Variants in PRKCA observed in about 807,000 individuals in gnomAD.
PRKCA encodes protein kinase C alpha type.
In PRKCA, 27 loss-of-function variants were observed where a neutral mutation model predicts 87.0. That is an observed-to-expected ratio of 0.31 (90% CI 0.23 to 0.43). The LOEUF is 0.43. PRKCA is among the 20% of genes least tolerant of loss of function. PRKCA has a pLI of 1.00. For synonymous variants in PRKCA, 329 were observed against 311.1 expected (o/e 1.06, Z -0.61); for missense variants, 518 against 852.3 (o/e 0.61, Z 4.88).
At position 66,555,069 on chromosome 17, in the gene PRKCA, G is replaced by A. The variant is rs61762389; in HGVS notation, c.288+58786G>A. On this transcript the variant is annotated intron_variant, in intron 3 of 16. Coordinates refer to ENST00000413366, the MANE Select transcript of PRKCA (RefSeq NM_002737.3). ...AGTTTTTGTATTTTAGTAGAGATGG[G>A]GTTTCACCCTGTTGCCCAGGCTCGT... Among the ~76,000 whole-genome samples the A allele has an allele frequency of 1.3e-3, 202 of 152,038 alleles. 1 individual carries two copies. Among genetic ancestry groups the A allele is most frequent in the African/African-American group, 4.6e-3 (189 of 41,492 alleles).
At chr17:66,341,326 AT>A (rs941113945) in intron 2 of PRKCA, among the ~76,000 whole-genome samples, 1 of 152,096 alleles carries the variant, frequency 6.6e-6, no homozygotes, top group Non-Finnish European at 1.5e-5. Flanking sequence ...GCATGGTGAC[AT>A]TTTTTTCCCC....
chr17:66,604,331 T>C (rs1040238039), intron 3 of PRKCA, among the ~76,000 whole-genome samples: 1 of 152,176 alleles, frequency 6.6e-6, no homozygotes. Flanking sequence ...CCCAGATTAG[T>C]AGATATTGCG....
intron 2 of PRKCA, among the ~76,000 whole-genome samples, chr17:66,406,054 A>G (rs1041878029): frequency 2.6e-5 from 4 of 152,176 alleles, no homozygotes; most frequent in Admixed American, 1.3e-4. Flanking sequence ...TTGCTCTGTC[A>G]TCATCGAGTT....
chr17:66,563,503 T>A (rs1968779794), intron 3 of PRKCA, among the ~76,000 whole-genome samples: 3 of 152,338 alleles, frequency 2.0e-5, no homozygotes, highest in African/African-American at 7.2e-5. Flanking sequence ...GACTTGATAG[T>A]TCATTTCTTT....
intron 8 of PRKCA, among the ~76,000 whole-genome samples, chr17:66,730,602 G>A (rs1167226550): frequency 6.6e-6 from 1 of 152,222 alleles, no homozygotes; most frequent in Non-Finnish European, 1.5e-5. Context: ...GCTGGCGGGA[G>A]TTTCCTATAG....
intron 3 of PRKCA, among the ~76,000 whole-genome samples, chr17:66,615,953 T>C (rs1307858268): frequency 1.3e-5 from 2 of 152,204 alleles, no homozygotes; most frequent in Non-Finnish European, 2.9e-5. Context: ...GGAACATTCA[T>C]TGCTTTTCTC....
chr17:66,446,064 T>G (rs972778367), intron 2 of PRKCA, among the ~76,000 whole-genome samples: 7 of 152,184 alleles, frequency 4.6e-5, no homozygotes, highest in African/African-American at 1.7e-4. Flanking sequence ...TCCGTGCACC[T>G]CGGCCTCCCT....
intron 3 of PRKCA, among the ~76,000 whole-genome samples, chr17:66,521,141 G>T (rs1455943356): frequency 6.6e-6 from 1 of 151,584 alleles, no homozygotes; most frequent in East Asian, 1.9e-4. Flanking sequence ...AAAAAAAAAA[G>T]TACTAAAAAT....
At chr17:66,582,469 A>G (rs1308329362) in intron 3 of PRKCA, among the ~76,000 whole-genome samples, 1 of 152,118 alleles carries the variant, frequency 6.6e-6, no homozygotes, top group African/African-American at 2.4e-5. Flanking sequence ...ATGGTAGTGG[A>G]TAAGTCTCAT....
chr17:66,658,741 C>G (rs987730880), intron 5 of PRKCA, among the ~76,000 whole-genome samples: 1 of 152,140 alleles, frequency 6.6e-6, no homozygotes, highest in Non-Finnish European at 1.5e-5. Flanking sequence ...ACTCCAGTCA[C>G]GTTAAGTCAT....
chr17:66,315,511 G>T (rs1905271571), intron 2 of PRKCA, among the ~76,000 whole-genome samples: 1 of 146,440 alleles, frequency 6.8e-6, no homozygotes, highest in Non-Finnish European at 1.5e-5. Context: ...ACGGAGTCTT[G>T]CTGTGTTGCC....
chr17:66,415,519 G>A (rs1038673025), intron 2 of PRKCA: 5 of 152,154 alleles, frequency 3.3e-5, no homozygotes, highest in African/African-American at 7.2e-5. Flanking sequence ...TCAGGAGCAC[G>A]GTAGGCAGAG....
chr17:66,378,900 CAA>C (rs35793230), intron 2 of PRKCA, among the ~76,000 whole-genome samples: 12 of 132,798 alleles, frequency 9.0e-5, no homozygotes, highest in African/African-American at 1.1e-4. Context: ...GACTCCATCT[CAA>C]AAAAAAAAAA....
intron 2 of PRKCA, among the ~76,000 whole-genome samples, chr17:66,384,471 T>G (rs1909937168): frequency 6.6e-6 from 1 of 152,230 alleles, no homozygotes; most frequent in African/African-American, 2.4e-5. Context: ...TTTTGAAGAT[T>G]TGCTCATTTT....
chr17:66,314,987 GTA>G (rs1387549145), intron 2 of PRKCA, among the ~76,000 whole-genome samples: 2 of 151,570 alleles, frequency 1.3e-5, no homozygotes, highest in African/African-American at 2.4e-5. Flanking sequence ...GTATGTATGT[GTA>G]TATATATGTG....
At chr17:66,678,642 G>C (rs980588708) in intron 5 of PRKCA, among the ~76,000 whole-genome samples, 1 of 150,360 alleles carries the variant, frequency 6.7e-6, no homozygotes, top group South Asian at 2.1e-4. Context: ...CTCCTGCATA[G>C]GGCTAAACAG....
chr17:66,368,386 AT>A (rs1180540465), intron 2 of PRKCA, among the ~76,000 whole-genome samples: 21 of 25,470 alleles, frequency 8.2e-4, no homozygotes, highest in East Asian at 1.8e-3. Flanking sequence ...ATATATATAT[AT>A]TTTTTTTTTT....
intron 2 of PRKCA, among the ~76,000 whole-genome samples, chr17:66,408,182 T>G (rs1209646176): frequency 2.0e-5 from 3 of 152,244 alleles, no homozygotes; most frequent in Non-Finnish European, 4.4e-5. Context: ...AAGGCAACTA[T>G]AGGTTGATAG....
chr17:66,307,558 T>C lies in PRKCA; in HGVS notation c.205+1431T>C, dbSNP rs545765798. 1.1e-4 allele frequency among the ~76,000 whole-genome samples: 16 copies of C among 152,290 alleles called. No individual in the cohort carries two copies. In the South Asian group the frequency reaches 3.3e-3, roughly 32 times the overall value. ...TACTGCTTGTCTGGGAGAAAGTGGT[T>C]GTCTTGTTCTAAAACTTTTATCATT... is the stretch of plus-strand genomic sequence containing the variant. On this transcript the variant is annotated intron_variant, in intron 2 of 16. Coordinates refer to ENST00000413366, the MANE Select transcript of PRKCA (RefSeq NM_002737.3).
Sources: allele counts gnomAD v4.1 joint callset (sites outside exome capture counted in the v4.1 genomes callset), GRCh38; gene constraint gnomAD v4.1.1; transcripts MANE v1.5; gene names NCBI Gene and HGNC (gene_info 2026-07-23, HGNC 2026-07-21).